TAF12: variants seen among roughly 807,000 people sequenced by gnomAD.
The protein encoded by TAF12 is transcription initiation factor TFIID subunit 12.
TAF12 carries 3 observed loss-of-function variants against 20.8 expected under a neutral mutation model. That is an observed-to-expected ratio of 0.14 (90% CI 0.07 to 0.37). The LOEUF is 0.37. Among genes scored for constraint, TAF12 ranks in the 10% least tolerant of loss-of-function variants. TAF12 has a pLI of 1.00. For missense variants in TAF12, 131 were observed against 197.9 expected (o/e 0.66, Z 2.03); for synonymous variants, 69 against 70.2 (o/e 0.98, Z 0.09).
intron 4 of TAF12, among the ~76,000 whole-genome samples, chr1:28,611,620 A>C (rs1666862983): frequency 6.6e-6 from 1 of 152,144 alleles, no homozygotes; most frequent in Admixed American, 6.6e-5. Flanking sequence ...GCTACAAGCC[A>C]CAGAACACCA....
intron 1 of TAF12, among the ~76,000 whole-genome samples, chr1:28,633,858 G>A (rs555145426): frequency 1.3e-5 from 2 of 148,234 alleles, no homozygotes; most frequent in South Asian, 4.2e-4. Flanking sequence ...GTTCCGGTGA[G>A]CCGAGATTGT....
At chr1:28,616,735 A>G (rs1034160743) in intron 3 of TAF12, among the ~76,000 whole-genome samples, 4 of 151,712 alleles carry the variant, frequency 2.6e-5, no homozygotes, top group African/African-American at 9.7e-5. Flanking sequence ...GACTGTCTCA[A>G]AAAAATAAAT....
At chr1:28,622,818 CGA>C (rs1469387574) in intron 1 of TAF12, among the ~76,000 whole-genome samples, 1 of 150,706 alleles carries the variant, frequency 6.6e-6, no homozygotes, top group Non-Finnish European at 1.5e-5. Flanking sequence ...GTCAGGAGTT[CGA>C]GAGGAGCCTG....
intron 5 of TAF12, 69 bp downstream of exon 5, chr1:28,605,303 T>C (rs1666629381): frequency 6.6e-7 from 1 of 1,523,498 alleles, no homozygotes; most frequent in Non-Finnish European, 9.1e-7. Context: ...GGTAGCTGTG[T>C]GTATCCACTC....
intron 4 of TAF12, among the ~76,000 whole-genome samples, chr1:28,611,641 GCCA>G (rs1666863752): frequency 6.6e-6 from 1 of 152,144 alleles, no homozygotes; most frequent in South Asian, 2.1e-4. Flanking sequence ...AGGATTGCCA[GCCA>G]CCACCAGAGG....
intron 2 of TAF12, among the ~76,000 whole-genome samples, chr1:28,621,331 A>G (rs901093139): frequency 3.9e-5 from 6 of 152,218 alleles, no homozygotes; most frequent in African/African-American, 1.2e-4. Context: ...GGAGGGCAGA[A>G]TCAGAATTAT....
At chr1:28,605,271 G>T in intron 5 of TAF12, 101 bp downstream of exon 5, 1 of 1,228,396 alleles carries the variant, frequency 8.1e-7, no homozygotes, top group Non-Finnish European at 1.2e-6. Context: ...TTGCTGTGTG[G>T]AGGAAGCGAG....
At chr1:28,637,392 T>C (rs9426390) in intron 1 of TAF12, among the ~76,000 whole-genome samples, 33,626 of 152,036 alleles carry the variant, frequency 0.22, 4,142 homozygotes, top group Middle Eastern at 0.32. Flanking sequence ...AAAGGCCAGG[T>C]ACAGTGGCTC....
At chr1:28,622,645 T>G (rs187385974) in intron 1 of TAF12, among the ~76,000 whole-genome samples, 1 of 152,156 alleles carries the variant, frequency 6.6e-6, no homozygotes, top group East Asian at 1.9e-4. Flanking sequence ...TCCCAGCATG[T>G]TGGGTGCCTG....
At chr1:28,642,642 G>A (rs1265993455) in intron 1 of TAF12, 1 of 985,262 alleles carries the variant, frequency 1.0e-6, no homozygotes, top group South Asian at 4.7e-5. Context: ...AGTCCTCACC[G>A]CTCCACTTTT....
chr1:28,607,419 C>T (rs556558916), intron 4 of TAF12, among the ~76,000 whole-genome samples: 30 of 152,142 alleles, frequency 2.0e-4, no homozygotes, highest in African/African-American at 7.2e-4. Context: ...GCCTGTAATC[C>T]CAGCACTTCG....
At chr1:28,611,138 T>G (rs1255293037) in intron 4 of TAF12, among the ~76,000 whole-genome samples, 2 of 151,892 alleles carry the variant, frequency 1.3e-5, no homozygotes, top group Non-Finnish European at 2.9e-5. Context: ...CTGGGAGCCT[T>G]TAGCTGCTTA....
intron 1 of TAF12, among the ~76,000 whole-genome samples, chr1:28,639,596 C>T (rs1667967587): frequency 6.6e-6 from 1 of 152,010 alleles, no homozygotes; most frequent in Non-Finnish European, 1.5e-5. Flanking sequence ...GATGTTAACT[C>T]AGGAATAAAT....
exon 1 of TAF12, chr1:28,648,209 G>A: frequency 1.0e-6 from 1 of 985,290 alleles, no homozygotes; most frequent in Non-Finnish European, 1.2e-6. Context: ...ACCTACAGCC[G>A]CTGAGAGCCG....
At chr1:28,636,793 C>G (rs1667840988) in intron 1 of TAF12, among the ~76,000 whole-genome samples, 1 of 151,712 alleles carries the variant, frequency 6.6e-6, no homozygotes, top group Admixed American at 6.6e-5. Context: ...AAAGCAAGAC[C>G]CTGTCTCAGG....
At chr1:28,628,450 T>A (rs987988784) in intron 1 of TAF12, among the ~76,000 whole-genome samples, 11 of 151,798 alleles carry the variant, frequency 7.2e-5, no homozygotes, top group African/African-American at 2.7e-4. Flanking sequence ...GGCAAACCCA[T>A]AGACAGAAAG....
intron 1 of TAF12, among the ~76,000 whole-genome samples, chr1:28,630,961 C>G (rs931943798): frequency 9.4e-5 from 14 of 148,422 alleles, no homozygotes; most frequent in African/African-American, 5.0e-5. Flanking sequence ...CAGAGAAGTA[C>G]TTGAACCCGG....
At chr1:28,631,327 G>A (rs1027837556) in intron 1 of TAF12, among the ~76,000 whole-genome samples, 1 of 152,028 alleles carries the variant, frequency 6.6e-6, no homozygotes, top group Admixed American at 6.6e-5. Context: ...TTTGAGACCA[G>A]CCTGGCCAAC....
In TAF12 at chr1:28,612,031, T is replaced by C. The variant is rs376896149; in HGVS notation, c.361+1216A>G. Among the ~76,000 whole-genome samples, 9 of 152,324 alleles carry C rather than the reference T, an allele frequency of 5.9e-5. No homozygotes were observed. In the East Asian group the frequency reaches 1.5e-3, roughly 26 times the overall value. Reference sequence around the variant, plus strand: ...CAGCAACATTACCTGAAGTGTGTTATTTACTTTACCTAGACTACCAATGCC... The same window carrying C: ...CAGCAACATTACCTGAAGTGTGTTACTTACTTTACCTAGACTACCAATGCC... On this transcript the variant is annotated intron_variant, in intron 4 of 5. Coordinates refer to ENST00000373824, the MANE Select transcript of TAF12 (RefSeq NM_005644.4).
Sources: gnomAD v4.1 joint callset for allele counts (sites outside exome capture counted in the v4.1 genomes callset) on GRCh38, gnomAD v4.1.1 for gene constraint, MANE v1.5 for transcripts, NCBI Gene and HGNC (gene_info 2026-07-23, HGNC 2026-07-21) for gene names.